LEP: variants seen among roughly 807,000 people sequenced by gnomAD.
The protein encoded by LEP is leptin.
A neutral mutation model predicts 9.8 loss-of-function variants in LEP; 6 were observed. That is an observed-to-expected ratio of 0.61 (90% CI 0.34 to 1.21). The LOEUF is 1.21. Among genes scored for constraint, LEP ranks in the 50% most tolerant of loss-of-function variants. The pLI is 0.04. For missense variants in LEP, 134 were observed against 198.1 expected (o/e 0.68, Z 1.94); for synonymous variants, 112 against 81.7 (o/e 1.37, Z -2.00).
chr7:128,254,633 T>G lies in LEP; in HGVS notation c.374T>G (p.Leu125Arg). 6.2e-7 allele frequency: 1 copy of G among 1,614,164 alleles called. No individual in the cohort carries two copies. The highest frequency in any genetic ancestry group is 1.1e-5 in the South Asian group (1 of 91,084). The change falls in exon 3 of 3, where the codon CTG (leucine) becomes CGG (arginine). Residue 125 changes from leucine (L) to arginine (R), a missense_variant. Coordinates refer to ENST00000308868, the MANE Select transcript of LEP (RefSeq NM_000230.3). ...KSCHLPWASG[L>R]ETLDSLGGVL... is the part of the protein sequence containing the mutation. ...TGCCACTTGCCCTGGGCCAGTGGCC[T>G]GGAGACCTTGGACAGCCTGGGGGGT...
chr7:128,251,387 G>A (rs10954173), intron 1 of LEP, among the ~76,000 whole-genome samples: 47,701 of 152,104 alleles, frequency 0.31, 8,123 homozygotes, highest in Non-Finnish European at 0.38. Context: ...GAGAAAGGAC[G>A]TAAGGAAGCA....
chr7:128,255,171 CTG>C lies in LEP; in HGVS notation c.*409_*410del. On this transcript the variant is annotated 3_prime_UTR_variant, in exon 3 of 3. Transcript: ENST00000308868. ...TTGGATGACCAGAACAAGGTTCCCTCTGAGAATTCCAAGGAGTTCCATGAAGA... is the reference window on the plus strand; with the variant it reads ...TTGGATGACCAGAACAAGGTTCCCTCAGAATTCCAAGGAGTTCCATGAAGA... 4.7e-6 allele frequency: 1 copy of C among 213,992 alleles called. No individual in the cohort carries two copies. The highest frequency in any genetic ancestry group is 9.6e-6 in the Non-Finnish European group (1 of 104,192). 13.3% of individuals were successfully genotyped at this position (213,992 alleles called of 1,614,324 possible).
In LEP at chr7:128,255,086, C is replaced by T. The variant is rs1336156524; in HGVS notation, c.*323C>T. On this transcript the variant is annotated 3_prime_UTR_variant, in exon 3 of 3. Coordinates refer to ENST00000308868, the MANE Select transcript of LEP (RefSeq NM_000230.3). ...CCCCTCTTGACCCATCTCCCCCTCA[C>T]TGAATGCCTCAATGTGACCAGGGGT... 2.1e-5 allele frequency: 8 copies of T among 378,018 alleles called. No homozygotes were observed. Among genetic ancestry groups the T allele is most frequent in the Non-Finnish European group, 3.0e-5 (6 of 196,936 alleles). 23.4% of individuals were successfully genotyped at this position (378,018 alleles called of 1,614,324 possible). A position where few individuals can be genotyped will look rare whatever the true frequency, so the allele number is the denominator to read the frequency against.
At chr7:128,245,647 T>G (rs1225308374) in intron 1 of LEP, among the ~76,000 whole-genome samples, 1 of 152,178 alleles carries the variant, frequency 6.6e-6, no homozygotes, top group East Asian at 1.9e-4. Flanking sequence ...GCAAATACCA[T>G]GTTACCTGAA....
intron 1 of LEP, among the ~76,000 whole-genome samples, chr7:128,243,817 C>T (rs1212862215): frequency 6.6e-6 from 1 of 152,202 alleles, no homozygotes; most frequent in Non-Finnish European, 1.5e-5. Flanking sequence ...TAACGAAGCC[C>T]TGCCGTGTTC....
chr7:128,257,587 T>G lies in LEP; in HGVS notation c.*2824T>G, dbSNP rs1323256692. 3.8e-5 allele frequency: 5 copies of G among 130,136 alleles called. No homozygotes were observed. Among genetic ancestry groups the G allele is most frequent in the Non-Finnish European group, 6.9e-5 (4 of 58,126 alleles). The allele number at this position is 130,136 out of a possible 1,614,324, so 8.1% of individuals were successfully genotyped here. A position where few individuals can be genotyped will look rare whatever the true frequency, so the allele number is the denominator to read the frequency against. On this transcript the variant is annotated 3_prime_UTR_variant, in exon 3 of 3. Coordinates refer to ENST00000308868, the MANE Select transcript of LEP (RefSeq NM_000230.3). The stretch of plus-strand genomic sequence containing the variant: ...CGTCTTAAAAAAAAAAAAAAAAAAG[T>G]TTGTTTTTAAAAAAATCTAAATAAA...
rs1795321542 is a variant in LEP, at chr7:128,255,056, C to T, written c.*293C>T. ...GTCTTCAGCCATCAACAAGAGTTGT[C>T]TTGTCCCCTCTTGACCCATCTCCCC... On this transcript the variant is annotated 3_prime_UTR_variant, in exon 3 of 3. Transcript: ENST00000308868. The T allele has an allele frequency of 7.0e-6, 3 of 431,152 alleles. No homozygotes were observed. Among genetic ancestry groups the T allele is most frequent in the Non-Finnish European group, 1.3e-5 (3 of 229,942 alleles). 26.7% of individuals were successfully genotyped at this position (431,152 alleles called of 1,614,324 possible).
At chr7:128,248,006 G>A (rs189864892) in intron 1 of LEP, among the ~76,000 whole-genome samples, 1 of 152,302 alleles carries the variant, frequency 6.6e-6, no homozygotes, top group Non-Finnish European at 1.5e-5. Context: ...AGGCGCAGTG[G>A]CTCAGGCCCA....
chr7:128,251,474 G>A (rs953148597), intron 1 of LEP, among the ~76,000 whole-genome samples: 2 of 152,176 alleles, frequency 1.3e-5, no homozygotes, highest in African/African-American at 4.8e-5. Flanking sequence ...TAGCATAATC[G>A]CTAATGATAG....
chr7:128,244,742 C>A (rs1334649830), intron 1 of LEP, among the ~76,000 whole-genome samples: 1 of 152,204 alleles, frequency 6.6e-6, no homozygotes, highest in Non-Finnish European at 1.5e-5. Flanking sequence ...CAGGCGGTGA[C>A]CATACTCTGG....
At chr7:128,248,907 G>GTACA (rs1562931109) in intron 1 of LEP, among the ~76,000 whole-genome samples, 1 of 152,168 alleles carries the variant, frequency 6.6e-6, no homozygotes, top group Non-Finnish European at 1.5e-5. Context: ...AACCTATATT[G>GTACA]AGTAATTATG....
At position 128,254,660 on chromosome 7, in the gene LEP, T is replaced by C; in HGVS notation, c.401T>C (p.Val134Ala). ...GAGACCTTGGACAGCCTGGGGGGTG[T>C]CCTGGAAGCTTCAGGCTACTCCACA... is the stretch of plus-strand genomic sequence containing the variant. ...GLETLDSLGG[V>A]LEASGYSTEV... Residue 134 changes from valine (V) to alanine (A), a missense_variant, in exon 3 of 3, where the codon GTC (valine) becomes GCC (alanine). By Grantham distance (64) the Val-to-Ala change is moderately conservative (BLOSUM62 0). Transcript: ENST00000308868. The C allele has an allele frequency of 6.2e-7, 1 of 1,614,082 alleles. No individual in the cohort carries two copies. Among genetic ancestry groups the C allele is most frequent in the Non-Finnish European group, 8.5e-7 (1 of 1,180,008 alleles).
chr7:128,251,348 A>T (rs1795272662), intron 1 of LEP, among the ~76,000 whole-genome samples: 1 of 152,192 alleles, frequency 6.6e-6, no homozygotes, highest in African/African-American at 2.4e-5. Context: ...AGTAAGTGCT[A>T]GTGGGATTCA....
intron 1 of LEP, among the ~76,000 whole-genome samples, chr7:128,251,521 C>G (rs1795274277): frequency 6.6e-6 from 1 of 152,104 alleles, no homozygotes; most frequent in Non-Finnish European, 1.5e-5. Flanking sequence ...ACCTTTAAGC[C>G]CTTTCACGTG....
At chr7:128,242,133 G>A (rs1259754925) in intron 1 of LEP, among the ~76,000 whole-genome samples, 1 of 152,224 alleles carries the variant, frequency 6.6e-6, no homozygotes, top group Non-Finnish European at 1.5e-5. Context: ...AGATAGTGGT[G>A]CTTTGGGAAA....
intron 1 of LEP, among the ~76,000 whole-genome samples, chr7:128,248,365 G>A (rs1262085904): frequency 6.6e-6 from 1 of 152,120 alleles, no homozygotes; most frequent in African/African-American, 2.4e-5. Context: ...CCGGGAGGTG[G>A]AGGTTGCAGT....
rs535189535 is a variant in LEP at position 128,246,700 on chromosome 7, C to T, written c.-28-5291C>T. ...CTGGTCTTGAACTCCTGGGCTCAAG[C>T]GATCCTCCTGCCTTGGCCTCCCAAA... On this transcript the variant is annotated intron_variant, in intron 1 of 2. Coordinates refer to ENST00000308868, the MANE Select transcript of LEP (RefSeq NM_000230.3). Among the ~76,000 whole-genome samples the T allele has an allele frequency of 3.3e-5, 5 of 152,052 alleles. No homozygotes were observed. In the South Asian group the frequency reaches 8.3e-4, roughly 25 times the overall value.
chr7:128,246,625 A>ATT (rs1179944329), intron 1 of LEP, among the ~76,000 whole-genome samples: 7 of 135,350 alleles, frequency 5.2e-5, no homozygotes, highest in Non-Finnish European at 8.4e-5. Context: ...AGCTATTTTT[A>ATT]TTTTTATTTT....
chr7:128,252,231 C>T, intron 2 of LEP, 69 bp downstream of exon 2: 1 of 1,527,252 alleles, frequency 6.5e-7, no homozygotes, highest in Non-Finnish European at 9.1e-7. Flanking sequence ...TGGCACTGGA[C>T]CCAGATAGTC....
Sources: gnomAD v4.1 joint callset for allele counts (sites outside exome capture counted in the v4.1 genomes callset) on GRCh38, gnomAD v4.1.1 for gene constraint, MANE v1.5 for transcripts, NCBI Gene and HGNC (gene_info 2026-07-23, HGNC 2026-07-21) for gene names.